The following RTKN variants were observed in gnomAD, a reference collection of about 807,000 sequenced individuals.
RTKN encodes the protein rhotekin.
Under a neutral mutation model 63.5 loss-of-function variants are expected in RTKN, and 49 were observed. The observed-to-expected ratio is 0.77, with a 90% CI of 0.61 to 0.98. The LOEUF (loss-of-function observed/expected upper bound fraction) is 0.98, where lower values mean the gene tolerates loss of function less well. Among genes scored for constraint, RTKN ranks in the 50% least tolerant of loss-of-function variants. RTKN has a pLI of 0.00. For synonymous variants in RTKN, 295 were observed against 290.4 expected (o/e 1.02, Z -0.16); for missense variants, 685 against 740.8 (o/e 0.92, Z 0.87).
intron 9 of RTKN, 113 bp downstream of exon 9, chr2:74,428,155 G>T: frequency 7.3e-7 from 1 of 1,378,606 alleles, no homozygotes; most frequent in Non-Finnish European, 1.0e-6. Flanking sequence ...GCACTGTCAG[G>T]AGCAGGAGGC....
At position 74,434,909 on chromosome 2, in the gene RTKN, C is replaced by T. The variant is rs181152656; in HGVS notation, c.112-2243G>A. ...TGAGGTACACCCAGGTTGAGAACCA[C>T]CAACTCATGGGAATGGACAGAAGGA... On this transcript the variant is annotated intron_variant, in intron 1 of 11. Transcript: ENST00000272430. 2.0e-5 allele frequency among the ~76,000 whole-genome samples: 3 copies of T among 152,250 alleles called. No homozygotes were observed. The East Asian group carries it at 5.8e-4, about 29-fold the overall frequency.
chr2:74,428,084 G>A, intron 9 of RTKN, 184 bp downstream of exon 9: 1 of 703,028 alleles, frequency 1.4e-6, no homozygotes, highest in Admixed American at 2.8e-5. Flanking sequence ...AAGTGAATGG[G>A]ACGATCCTCT....
Position 74,441,800 on chromosome 2 carries a change from T to A in RTKN, c.17A>T (p.His6Leu). Reference protein sequence around the residue: MFSRNHRSRVTVARGS... With the variant: MFSRNLRSRVTVARGS... ...CCTGGCCACGGTGACCCGGCTCCGG[T>A]GGTTTCGGGAGAACATGCTGGCGGC... The change falls in exon 1 of 12, where the codon CAC becomes CTC. Residue 6 changes from histidine (H) to leucine (L), a missense_variant. Transcript: ENST00000272430. The A allele has an allele frequency of 6.2e-7, 1 of 1,610,646 alleles. No homozygotes were observed. The highest frequency in any genetic ancestry group is 8.5e-7 in the Non-Finnish European group (1 of 1,179,124).
chr2:74,426,759 A>G, intron 11 of RTKN, 185 bp from the exon 12 acceptor site: 1 of 1,372,914 alleles, frequency 7.3e-7, no homozygotes, highest in Non-Finnish European at 9.3e-7. Context: ...CTCTGATAAG[A>G]CTGTGGGACA....
At chr2:74,438,815 A>G (rs898794562) in intron 1 of RTKN, among the ~76,000 whole-genome samples, 7 of 152,170 alleles carry the variant, frequency 4.6e-5, no homozygotes, top group African/African-American at 1.7e-4. Context: ...TGCCTCCCTC[A>G]TCTGATTTTC....
At position 74,429,987 on chromosome 2, in the gene RTKN, C is replaced by T; in HGVS notation, c.596G>A (p.Cys199Tyr). The change falls in exon 6 of 12, where the codon TGT becomes TAT. Residue 199 changes from cysteine (C) to tyrosine (Y), a missense_variant. Physicochemically the swap from Cys to Tyr is radical, Grantham distance 194 (BLOSUM62 -2). Transcript: ENST00000272430. ...AGTCAGGGCCCCCTCTTCTTCCACA[C>T]AGGCCCCATACAGCTCTAACCGCAG... ...FELRLELYGA[C>Y]VEEEGALTGG... The T allele has an allele frequency of 6.2e-7, 1 of 1,614,252 alleles. No homozygotes were observed. Among genetic ancestry groups the T allele is most frequent in the Non-Finnish European group, 8.5e-7 (1 of 1,180,042 alleles).
intron 1 of RTKN, among the ~76,000 whole-genome samples, chr2:74,441,302 G>A (rs1207858844): frequency 6.6e-6 from 1 of 152,246 alleles, no homozygotes; most frequent in Non-Finnish European, 1.5e-5. Flanking sequence ...ACAGGTTGTG[G>A]GATGGGGCTG....
At chr2:74,439,214 G>A (rs1321889899) in intron 1 of RTKN, among the ~76,000 whole-genome samples, 1 of 152,162 alleles carries the variant, frequency 6.6e-6, no homozygotes, top group African/African-American at 2.4e-5. Context: ...TCTCTAGCAA[G>A]GCTACATCCT....
chr2:74,427,245 G>T lies in RTKN; in HGVS notation c.1284C>A (p.Ile428=), dbSNP rs750649068. 3 of 1,614,188 alleles carry T rather than the reference G, an allele frequency of 1.9e-6. No homozygotes were observed. Among genetic ancestry groups the T allele is most frequent in the South Asian group, 2.2e-5 (2 of 91,086 alleles). The change falls in exon 11 of 12, where the codon ATC becomes ATA. Residue 428 remains isoleucine (I), a synonymous_variant. Transcript: ENST00000272430. ...GGGGAGCAGGAGTTTCAATTTTCAT[G>T]ATTTCATCACAGCACTGCTTCCATT... is the stretch of plus-strand genomic sequence containing the variant. The part of the protein sequence containing the change: ...MSQWKQCCDE[I]MKIETPAPRK...
Position 74,428,692 on chromosome 2 carries a change from C to CT in RTKN, c.895_896insA (p.Arg299GlnfsTer48), listed in dbSNP as rs1441577965. On this transcript the variant is annotated frameshift_variant, in exon 8 of 12. Coordinates refer to ENST00000272430, the MANE Select transcript of RTKN (RefSeq NM_001015055.2). LOFTEE classifies it high-confidence loss of function. Reference sequence around the variant, plus strand: ...CATGCAGAGAGGCTGAGCTGCCAGACGGCAACACACGCTACCATAAAGGGG... The same window carrying CT: ...CATGCAGAGAGGCTGAGCTGCCAGACTGGCAACACACGCTACCATAAAGGGG... The CT allele has an allele frequency of 1.9e-6, 3 of 1,613,934 alleles. No homozygotes were observed. In the African/African-American group the frequency reaches 4.0e-5, roughly 22 times the overall value.
intron 1 of RTKN, chr2:74,439,575 A>G (rs1342995230): frequency 6.2e-7 from 1 of 1,614,158 alleles, no homozygotes; most frequent in East Asian, 2.2e-5. Context: ...CCATCTGCCG[A>G]ATGTAGAGCA....
chr2:74,435,390 G>T (rs552562997), intron 1 of RTKN, among the ~76,000 whole-genome samples: 1 of 152,302 alleles, frequency 6.6e-6, no homozygotes, highest in South Asian at 2.1e-4. Flanking sequence ...CCCAGCATGT[G>T]GTATACATTA....
chr2:74,435,518 T>C (rs1489762496), intron 1 of RTKN, among the ~76,000 whole-genome samples: 1 of 151,918 alleles, frequency 6.6e-6, no homozygotes, highest in Non-Finnish European at 1.5e-5. Context: ...AGCTGGGAGG[T>C]GAGAGATGAT....
intron 6 of RTKN, 67 bp downstream of exon 6, chr2:74,429,761 C>A: frequency 2.7e-6 from 4 of 1,464,034 alleles, no homozygotes; most frequent in Non-Finnish European, 3.8e-6. Context: ...ACACTCAACA[C>A]AGTTCAAAGG....
At chr2:74,430,106 G>A (rs1049738177) in intron 5 of RTKN, 69 bp from the exon 6 acceptor site, 38 of 1,572,392 alleles carry the variant, frequency 2.4e-5, no homozygotes, top group Non-Finnish European at 3.2e-5. Flanking sequence ...GGATGTGGGT[G>A]AGGCAAGTGC....
In RTKN at chr2:74,436,124, G is replaced by A. The variant is rs1671044025; in HGVS notation, c.112-3458C>T. Among the ~76,000 whole-genome samples, 2 of 152,230 alleles carry A rather than the reference G, an allele frequency of 1.3e-5. No individual in the cohort carries two copies. Among genetic ancestry groups the A allele is most frequent in the African/African-American group, 4.8e-5 (2 of 41,454 alleles). On this transcript the variant is annotated intron_variant, in intron 1 of 11. Coordinates refer to ENST00000272430, the MANE Select transcript of RTKN (RefSeq NM_001015055.2). The surrounding 1 kb of genome is among the most constrained non-coding windows in gnomAD (Gnocchi z 4.3). Reference sequence around the variant, plus strand: ...ACATCCCAAATGGGTGAGCCTGGCAGGAGGGGGACACGGAGGTGTCCTCAA... The same window carrying A: ...ACATCCCAAATGGGTGAGCCTGGCAAGAGGGGGACACGGAGGTGTCCTCAA...
chr2:74,440,299 C>T (rs1671291642), intron 1 of RTKN: 13 of 946,090 alleles, frequency 1.4e-5, no homozygotes, highest in Non-Finnish European at 1.6e-5. Context: ...CTAGGGCCAC[C>T]CCTTCCAACT....
chr2:74,431,496 A>G (rs1670752296), intron 2 of RTKN, among the ~76,000 whole-genome samples: 1 of 152,198 alleles, frequency 6.6e-6, no homozygotes, highest in East Asian at 1.9e-4. Context: ...ACTAATGGCA[A>G]TGTGTTTAGC....
Position 74,441,932 on chromosome 2 carries a change from C to T in RTKN, c.-116G>A, listed in dbSNP as rs888796770. 1 of 673,032 alleles carries T rather than the reference C, an allele frequency of 1.5e-6. No individual in the cohort carries two copies. Among genetic ancestry groups the T allele is most frequent in the South Asian group, 1.8e-5 (1 of 54,516 alleles). The allele number at this position is 673,032 out of a possible 1,614,324, so 41.7% of individuals were successfully genotyped here. On this transcript the variant is annotated 5_prime_UTR_variant, in exon 1 of 12. Transcript: ENST00000272430. ...TCCGCCAGTCCGGCCGGGAATCTCC[C>T]GCTGCGGGGCTCCAAACCCCGCCCC...
Sources: gnomAD v4.1 joint callset for allele counts (sites outside exome capture counted in the v4.1 genomes callset) on GRCh38, gnomAD v4.1.1 for gene constraint, Gnocchi (gnomAD v3.1) non-coding constraint, MANE v1.5 for transcripts, NCBI Gene and HGNC (gene_info 2026-07-23, HGNC 2026-07-21) for gene names.